Variants in ECRG4 observed in about 807,000 individuals in gnomAD.
ECRG4 encodes augurin.
A neutral mutation model predicts 15.8 loss-of-function variants in ECRG4; 18 were observed. The observed-to-expected ratio is 1.14, with a 90% CI of 0.79 to 1.69. The LOEUF is 1.69. Ranked by LOEUF, ECRG4 falls within the 40% of genes most tolerant of loss-of-function variation. ECRG4 has a pLI of 0.00. For missense variants in ECRG4, 200 were observed against 190.9 expected (o/e 1.05, Z -0.28); for synonymous variants, 82 against 73.9 (o/e 1.11, Z -0.56).
chr2:106,074,857 G>A (rs1313061056), intron 3 of ECRG4, among the ~76,000 whole-genome samples: 2 of 152,114 alleles, frequency 1.3e-5, no homozygotes, highest in African/African-American at 2.4e-5. Flanking sequence ...TCATTTAGAC[G>A]GTGTATACAC....
At chr2:106,077,641 G>A (rs557278907) in intron 3 of ECRG4, 124 bp from the exon 4 acceptor site, 22 of 813,494 alleles carry the variant, frequency 2.7e-5, no homozygotes, top group Non-Finnish European at 3.7e-5. Flanking sequence ...GTAACAGGGA[G>A]TTACTAAGGG....
chr2:106,074,148 A>G (rs994527951), intron 3 of ECRG4, 105 bp downstream of exon 3: 5 of 1,352,440 alleles, frequency 3.7e-6, no homozygotes, highest in African/African-American at 1.4e-5. Context: ...TTTGCTGTTC[A>G]TTCCTAGAGT....
At chr2:106,063,720 C>G (rs190022657), upstream of ECRG4, among the ~76,000 whole-genome samples, 859 of 152,254 alleles carry the variant, frequency 5.6e-3, 4 homozygotes, top group Non-Finnish European at 1.0e-2. Flanking sequence ...GTAGCTGGAA[C>G]TACAGGCACG....
chr2:106,072,915 ATCC>A (rs1439552683), intron 2 of ECRG4, among the ~76,000 whole-genome samples: 1 of 152,244 alleles, frequency 6.6e-6, no homozygotes, highest in Non-Finnish European at 1.5e-5. Flanking sequence ...CTTGGTGTGC[ATCC>A]CGCAGCCTTG....
chr2:106,075,204 G>A (rs910270998), intron 3 of ECRG4, among the ~76,000 whole-genome samples: 3 of 152,154 alleles, frequency 2.0e-5, no homozygotes, highest in Non-Finnish European at 4.4e-5. Flanking sequence ...TGAGGTTCCT[G>A]GGGCAAGGGT....
Position 106,077,893 on chromosome 2 carries a change from G to T in ECRG4, c.414G>T (p.Arg138Ser). ...AIGPRSPYGF[R>S]HGASVNYDDY ...GTCCCCGGAGCCCCTACGGCTTTAG[G>T]CATGGAGCCAGCGTCAACTACGATG... The change falls in exon 4 of 4, where the codon AGG (arginine) becomes AGT (serine). Residue 138 changes from arginine (R) to serine (S), a missense_variant. Arg to Ser is a moderately radical substitution (Grantham distance 110). Transcript: ENST00000238044. 6.2e-7 allele frequency: 1 copy of T among 1,614,104 alleles called. No homozygotes were observed. The highest frequency in any genetic ancestry group is 8.5e-7 in the Non-Finnish European group (1 of 1,180,028).
rs532548241 is a variant in ECRG4, at chr2:106,074,114, GAAATAGGAAGCAGAA to G, written c.285+74_285+88del. 6.7e-5 allele frequency: 105 copies of G among 1,559,652 alleles called. 1 individual carries two copies. In the South Asian group the frequency reaches 1.1e-3, roughly 17 times the overall value. On this transcript the variant is annotated intron_variant, in intron 3 of 3. Coordinates refer to ENST00000238044, the MANE Select transcript of ECRG4 (RefSeq NM_032411.3). The stretch of plus-strand genomic sequence containing the variant: ...TGGCAGGGAGGAGGCCTGGCTCGGG[GAAATAGGAAGCAGAA>G]AATTCAGCTTTGCTGTTCATTCCTA...
At chr2:106,070,808 A>G (rs1178884325) in intron 1 of ECRG4, 2 of 417,456 alleles carry the variant, frequency 4.8e-6, no homozygotes, top group Non-Finnish European at 9.9e-6. Flanking sequence ...GAGCCTGTCC[A>G]TGGAAGGAGA....
At chr2:106,075,278 A>C (rs1427276182) in intron 3 of ECRG4, among the ~76,000 whole-genome samples, 1 of 152,250 alleles carries the variant, frequency 6.6e-6, no homozygotes, top group Admixed American at 6.5e-5. Context: ...CACATGTAAG[A>C]GCAACAGTTT....
At chr2:106,067,032 A>ACCT (rs1260884689) in intron 1 of ECRG4, among the ~76,000 whole-genome samples, 4 of 112,032 alleles carry the variant, frequency 3.6e-5, no homozygotes, top group African/African-American at 1.4e-4. Context: ...GGTGGTTCAT[A>ACCT]CCTGTAATCC....
chr2:106,063,818 G>A (rs781316945), upstream of ECRG4, among the ~76,000 whole-genome samples: 1 of 152,192 alleles, frequency 6.6e-6, no homozygotes, highest in African/African-American at 2.4e-5. Flanking sequence ...CTGACCTCAA[G>A]TGATCTGCCC....
At chr2:106,073,504 C>T (rs188713727) in intron 2 of ECRG4, among the ~76,000 whole-genome samples, 2 of 152,274 alleles carry the variant, frequency 1.3e-5, no homozygotes, top group African/African-American at 4.8e-5. Context: ...TGCCCGTATA[C>T]CTGTGTGGCA....
intron 1 of ECRG4, among the ~76,000 whole-genome samples, chr2:106,066,732 A>G (rs976617257): frequency 1.3e-5 from 2 of 152,136 alleles, no homozygotes; most frequent in African/African-American, 4.8e-5. Context: ...TGCCTAATGT[A>G]AAAGGGAGGC....
At chr2:106,073,293 G>A (rs752416820) in intron 2 of ECRG4, among the ~76,000 whole-genome samples, 1 of 152,178 alleles carries the variant, frequency 6.6e-6, no homozygotes, top group Non-Finnish European at 1.5e-5. Flanking sequence ...TCAGTATCCT[G>A]CATCAATGGT....
intron 1 of ECRG4, among the ~76,000 whole-genome samples, chr2:106,067,058 C>CGGGGGGGGG (rs1553411443): frequency 5.9e-4 from 2 of 3,396 alleles, no homozygotes; most frequent in African/African-American, 3.5e-3. Flanking sequence ...CTTTGGGAGG[C>CGGGGGGGGG]CGGGGGGGGG....
chr2:106,074,107 G>T, intron 3 of ECRG4, 64 bp downstream of exon 3: 1 of 1,580,918 alleles, frequency 6.3e-7, no homozygotes, highest in Non-Finnish European at 8.7e-7. Context: ...AGGAGGCCTG[G>T]CTCGGGGAAA....
chr2:106,077,201 G>A (rs1302957320), intron 3 of ECRG4, among the ~76,000 whole-genome samples: 1 of 152,184 alleles, frequency 6.6e-6, no homozygotes, highest in Admixed American at 6.5e-5. Flanking sequence ...CAAAGCATTT[G>A]CAGAATAAAT....
Position 106,077,872 on chromosome 2 carries a change from C to T in ECRG4, c.393C>T (p.Pro131=). The T allele has an allele frequency of 6.2e-7, 1 of 1,614,122 alleles. No individual in the cohort carries two copies. Among genetic ancestry groups the T allele is most frequent in the Non-Finnish European group, 8.5e-7 (1 of 1,180,024 alleles). Reference sequence around the variant, plus strand: ...ATGATGAAGACTCTGCAATTGGTCCCCGGAGCCCCTACGGCTTTAGGCATG... The same window carrying T: ...ATGATGAAGACTCTGCAATTGGTCCTCGGAGCCCCTACGGCTTTAGGCATG... ...RHYDEDSAIG[P]RSPYGFRHGA... is the part of the protein sequence containing the mutation. Residue 131 remains proline (P), a synonymous_variant, in exon 4 of 4, where the codon CCC becomes CCT. Transcript: ENST00000238044.
rs990483417 is a variant in ECRG4 at position 106,073,031 on chromosome 2, G to T, written c.128-855G>T. 2.0e-5 allele frequency among the ~76,000 whole-genome samples: 3 copies of T among 152,278 alleles called. No homozygotes were observed. The South Asian group carries it at 6.2e-4, about 32-fold the overall frequency. On this transcript the variant is annotated intron_variant, in intron 2 of 3. Coordinates refer to ENST00000238044, the MANE Select transcript of ECRG4 (RefSeq NM_032411.3). ...AACAAACAAACAAAAACCCCTGCTG[G>T]TATTTGTCCATACGACCAACGAATG...
Sources: gnomAD v4.1 joint callset for allele counts (sites outside exome capture counted in the v4.1 genomes callset) on GRCh38, gnomAD v4.1.1 for gene constraint, MANE v1.5 for transcripts, NCBI Gene and HGNC (gene_info 2026-07-23, HGNC 2026-07-21) for gene names.